Variants in TNIP2 observed in about 807,000 individuals in gnomAD.
TNIP2 encodes the protein TNFAIP3-interacting protein 2.
Under a neutral mutation model 43.7 loss-of-function variants are expected in TNIP2, and 30 were observed. The observed-to-expected ratio is 0.69, with a 90% CI of 0.51 to 0.93. TNIP2 has a LOEUF of 0.93. Among genes scored for constraint, TNIP2 ranks in the 40% least tolerant of loss-of-function variants. The probability of loss-of-function intolerance (pLI) is 0.00; values close to 1 mark genes in which losing one functional copy is unlikely to be tolerated. For missense variants in TNIP2, 599 were observed against 591.0 expected (o/e 1.01, Z -0.14); for synonymous variants, 260 against 254.6 (o/e 1.02, Z -0.20).
In TNIP2 at chr4:2,747,676, C is replaced by T; in HGVS notation, c.546G>A (p.Val182=). 2 of 1,598,820 alleles carry T rather than the reference C, an allele frequency of 1.3e-6. No homozygotes were observed. The highest frequency in any genetic ancestry group is 1.7e-6 in the Non-Finnish European group (2 of 1,178,854). ...CTACCTGGTCAGGACTTCTCTCCCC[C>T]ACATTCCTTTGTGCATGCTGTCGTT... ...LDERQHAQRN[V]GERSPDQSEH... The change falls in exon 2 of 6, where the codon GTG becomes GTA. Residue 182 remains valine, a synonymous_variant. Coordinates refer to ENST00000315423, the MANE Select transcript of TNIP2 (RefSeq NM_024309.4).
Position 2,743,931 on chromosome 4 carries a change from G to A in TNIP2, c.1026+456C>T, listed in dbSNP as rs554956599. Among the ~76,000 whole-genome samples, 11 of 152,300 alleles carry A rather than the reference G, an allele frequency of 7.2e-5. No homozygotes were observed. The East Asian group carries it at 2.1e-3, about 29-fold the overall frequency. ...TAGGAAAAGCACTGAGCCCAGGGGT[G>A]GGGTGAGGGGCCCCTGCCCTGCAAG... is the stretch of plus-strand genomic sequence containing the variant. On this transcript the variant is annotated intron_variant, in intron 5 of 5. Coordinates refer to ENST00000315423, the MANE Select transcript of TNIP2 (RefSeq NM_024309.4).
chr4:2,747,768 G>A lies in TNIP2; in HGVS notation c.454C>T (p.His152Tyr), dbSNP rs1721989491. 6.2e-7 allele frequency: 1 copy of A among 1,611,490 alleles called. No homozygotes were observed. Residue 152 changes from histidine (H) to tyrosine (Y), a missense_variant, in exon 2 of 6, where the codon CAT becomes TAT. Transcript: ENST00000315423. ...VLCRSLANET[H>Y]QLRRTLTATA... ...GCGGTCAGCGTCCTCCGCAGCTGAT[G>A]GGTCTCGTTGGCCAAGGAGCGGCAC...
Position 2,756,253 on chromosome 4 carries a change from C to T in TNIP2, c.37G>A (p.Ala13Thr), listed in dbSNP as rs1309033932. The T allele has an allele frequency of 1.4e-6, 2 of 1,442,808 alleles. No individual in the cohort carries two copies. The highest frequency in any genetic ancestry group is 9.1e-7 in the Non-Finnish European group (1 of 1,102,918). 89.4% of individuals were successfully genotyped at this position (1,442,808 alleles called of 1,614,324 possible). A position where few individuals can be genotyped will look rare whatever the true frequency, so the allele number is the denominator to read the frequency against. ...CAGAGCGCGGCAGCTGCGCGCGGGGCCTCCTCCCAGCCGCCCGACCCCGGG... is the reference window on the plus strand; with the variant it reads ...CAGAGCGCGGCAGCTGCGCGCGGGGTCTCCTCCCAGCCGCCCGACCCCGGG... ...RDPGSGGWEE[A>T]PRAAAALCTL... Residue 13 changes from alanine to threonine, a missense_variant, in exon 1 of 6, where the codon GCC becomes ACC. Transcript: ENST00000315423.
chr4:2,756,112 C>T lies in TNIP2; in HGVS notation c.178G>A (p.Ala60Thr). 2.0e-6 allele frequency: 3 copies of T among 1,485,740 alleles called. No homozygotes were observed. Among genetic ancestry groups the T allele is most frequent in the Non-Finnish European group, 2.7e-6 (3 of 1,127,560 alleles). 92.0% of individuals were successfully genotyped at this position (1,485,740 alleles called of 1,614,324 possible). A position where few individuals can be genotyped will look rare whatever the true frequency, so the allele number is the denominator to read the frequency against. Reference sequence around the variant, plus strand: ...AGCAGCGCGTCCACTAGGGACGGCGCGGCGTCCCCCTCCAGCGCGGCCAGG... The same window carrying T: ...AGCAGCGCGTCCACTAGGGACGGCGTGGCGTCCCCCTCCAGCGCGGCCAGG... Reference protein sequence around the residue: ...ARLAALEGDAAPSLVDALLEQ... With the variant: ...ARLAALEGDATPSLVDALLEQ... The change falls in exon 1 of 6, where the codon GCG becomes ACG. Residue 60 changes from alanine (A) to threonine (T), a missense_variant. Coordinates refer to ENST00000315423, the MANE Select transcript of TNIP2 (RefSeq NM_024309.4).
Position 2,744,311 on chromosome 4 carries a change from G to T in TNIP2, c.1026+76C>A. On this transcript the variant is annotated intron_variant, in intron 5 of 5. Transcript: ENST00000315423. This position sits in a 1 kb window ranked among gnomAD's most constrained non-coding sequence, Gnocchi z 5.1. The stretch of plus-strand genomic sequence containing the variant: ...GCAAATCAGGGCCTTGGCAGACACA[G>T]AAAGGCTCTAATCTCATGAGAAGAG... 6.3e-7 allele frequency: 1 copy of T among 1,582,382 alleles called. No homozygotes were observed. The highest frequency in any genetic ancestry group is 8.6e-7 in the Non-Finnish European group (1 of 1,158,188).
intron 1 of TNIP2, among the ~76,000 whole-genome samples, chr4:2,749,635 C>T (rs1228246133): frequency 6.6e-6 from 1 of 152,154 alleles, no homozygotes; most frequent in African/African-American, 2.4e-5. Context: ...AGGGTCCTTC[C>T]CTAGAACCTT....
chr4:2,755,308 C>T (rs1027441103), intron 1 of TNIP2, among the ~76,000 whole-genome samples: 17 of 151,988 alleles, frequency 1.1e-4, no homozygotes, highest in Admixed American at 9.8e-4. Context: ...ACAGCATACA[C>T]ACACCCCCCT....
In TNIP2 at chr4:2,744,646, C is replaced by T. The variant is rs1054203148; in HGVS notation, c.906+51G>A. ...GCCTGTCCCATGATTTCGGCCACCA[C>T]CGGCCAGCAGACATCTGGTCAGTGC... On this transcript the variant is annotated intron_variant, in intron 4 of 5. Transcript: ENST00000315423. The surrounding 1 kb of genome is among the most constrained non-coding windows in gnomAD (Gnocchi z 5.1). 1 of 1,584,842 alleles carries T rather than the reference C, an allele frequency of 6.3e-7. No homozygotes were observed.
At chr4:2,747,607 C>G (rs1370811844) in intron 2 of TNIP2, 48 bp downstream of exon 2, 1 of 1,556,030 alleles carries the variant, frequency 6.4e-7, no homozygotes, top group South Asian at 1.2e-5. Flanking sequence ...AGGCGATGCT[C>G]CCAGCACACA....
rs530193031 is a variant in TNIP2 at position 2,745,013 on chromosome 4, T to C, written c.658-68A>G. On this transcript the variant is annotated intron_variant, in intron 3 of 5. Coordinates refer to ENST00000315423, the MANE Select transcript of TNIP2 (RefSeq NM_024309.4). ...CAAAGCTGCTCAAGCCAGCACCCAG[T>C]GTGAATTATGTATTAGCAGTGATTC... 10 of 1,532,530 alleles carry C rather than the reference T, an allele frequency of 6.5e-6. No individual in the cohort carries two copies. The East Asian group carries it at 1.6e-4, about 24-fold the overall frequency. The allele number at this position is 1,532,530 out of a possible 1,614,324, so 94.9% of individuals were successfully genotyped here. A position where few individuals can be genotyped will look rare whatever the true frequency, so the allele number is the denominator to read the frequency against.
chr4:2,746,834 C>T (rs1721960079), intron 2 of TNIP2, among the ~76,000 whole-genome samples: 1 of 152,262 alleles, frequency 6.6e-6, no homozygotes, highest in Non-Finnish European at 1.5e-5. Flanking sequence ...CCACAAGCAC[C>T]AGCAAGATGG....
Position 2,744,554 on chromosome 4 carries a change from C to G in TNIP2, c.907-48G>C, listed in dbSNP as rs1404544029. The G allele has an allele frequency of 4.3e-6, 7 of 1,611,804 alleles. No homozygotes were observed. Among genetic ancestry groups the G allele is most frequent in the Non-Finnish European group, 5.9e-6 (7 of 1,178,890 alleles). On this transcript the variant is annotated intron_variant, in intron 4 of 5. Transcript: ENST00000315423. The surrounding 1 kb of genome is among the most constrained non-coding windows in gnomAD (Gnocchi z 5.1). ...TTTCTGCTCAAGGAAGGAGGAAGCGCCCCACCAGGCTTCTCCCACCCCCAC... is the reference window on the plus strand; with the variant it reads ...TTTCTGCTCAAGGAAGGAGGAAGCGGCCCACCAGGCTTCTCCCACCCCCAC...
intron 1 of TNIP2, among the ~76,000 whole-genome samples, chr4:2,752,013 G>A (rs372036769): frequency 6.6e-6 from 1 of 151,560 alleles, no homozygotes; most frequent in South Asian, 2.1e-4. Flanking sequence ...GCTGAGGCAG[G>A]AGAATCGCTT....
intron 1 of TNIP2, among the ~76,000 whole-genome samples, chr4:2,749,068 G>A (rs969203838): frequency 7.2e-5 from 11 of 152,196 alleles, no homozygotes; most frequent in Non-Finnish European, 1.3e-4. Context: ...TGGGATGACA[G>A]GTGTGAGCCA....
chr4:2,753,505 C>G (rs1038285549), intron 1 of TNIP2, among the ~76,000 whole-genome samples: 2 of 152,102 alleles, frequency 1.3e-5, no homozygotes, highest in African/African-American at 4.8e-5. Flanking sequence ...AAGACAGGAC[C>G]AGGGCCAGTA....
chr4:2,742,271 C>T lies in TNIP2; in HGVS notation c.1276G>A (p.Glu426Lys), dbSNP rs747251414. 71 of 1,487,478 alleles carry T rather than the reference C, an allele frequency of 4.8e-5. No individual in the cohort carries two copies. The highest frequency in any genetic ancestry group is 5.9e-5 in the Non-Finnish European group (66 of 1,114,502). 92.1% of individuals were successfully genotyped at this position (1,487,478 alleles called of 1,614,324 possible). A position where few individuals can be genotyped will look rare whatever the true frequency, so the allele number is the denominator to read the frequency against. ...GTGAGTCTCGGTCACTGGCAGCACTCAGCCACATGCCTGAGGAGCTCTTCC... is the reference window on the plus strand; with the variant it reads ...GTGAGTCTCGGTCACTGGCAGCACTTAGCCACATGCCTGAGGAGCTCTTCC... The part of the protein sequence containing the change: ...QGEELLRHVA[E>K]CCQ Residue 426 changes from glutamate to lysine, a missense_variant, in exon 6 of 6, where the codon GAG becomes AAG. Glu to Lys is a moderately conservative substitution (Grantham distance 56). Transcript: ENST00000315423.
intron 1 of TNIP2, among the ~76,000 whole-genome samples, chr4:2,752,516 C>T (rs1245140669): frequency 1.3e-5 from 2 of 152,192 alleles, no homozygotes; most frequent in Non-Finnish European, 2.9e-5. Flanking sequence ...TGAGCCTCAG[C>T]ACTCTCTCTG....
In TNIP2 at chr4:2,756,047, C is replaced by T. The variant is rs781698542; in HGVS notation, c.243G>A (p.Gln81=). 19 of 1,548,712 alleles carry T rather than the reference C, an allele frequency of 1.2e-5. No homozygotes were observed. Among genetic ancestry groups the T allele is most frequent in the African/African-American group, 2.8e-5 (2 of 70,466 alleles). Residue 81 remains glutamine, a synonymous_variant, in exon 1 of 6, where the codon CAG becomes CAA. Coordinates refer to ENST00000315423, the MANE Select transcript of TNIP2 (RefSeq NM_024309.4). ...VARFREQLRR[Q]EGGAAEAQMR... is the part of the protein sequence containing the mutation. Reference sequence around the variant, plus strand: ...TCTGGGCCTCGGCGGCGCCGCCCTCCTGCCTTCGCAGCTGCTCCCGGAAGC... The same window carrying T: ...TCTGGGCCTCGGCGGCGCCGCCCTCTTGCCTTCGCAGCTGCTCCCGGAAGC...
chr4:2,742,114 G>C lies in TNIP2; in HGVS notation c.*143C>G, dbSNP rs1457109975. 8 of 827,622 alleles carry C rather than the reference G, an allele frequency of 9.7e-6. No individual in the cohort carries two copies. Among genetic ancestry groups the C allele is most frequent in the Non-Finnish European group, 1.3e-5 (8 of 596,212 alleles). 51.3% of individuals were successfully genotyped at this position (827,622 alleles called of 1,614,324 possible). A position where few individuals can be genotyped will look rare whatever the true frequency, so the allele number is the denominator to read the frequency against. On this transcript the variant is annotated 3_prime_UTR_variant, in exon 6 of 6. Coordinates refer to ENST00000315423, the MANE Select transcript of TNIP2 (RefSeq NM_024309.4). Reference sequence around the variant, plus strand: ...CTGTTCCATAGCCAAAGGGACCAAAGTGAACGATCAGAGTGCCCCGCAACT... The same window carrying C: ...CTGTTCCATAGCCAAAGGGACCAAACTGAACGATCAGAGTGCCCCGCAACT...
Sources: gnomAD v4.1 joint callset for allele counts (sites outside exome capture counted in the v4.1 genomes callset) on GRCh38, gnomAD v4.1.1 for gene constraint, Gnocchi (gnomAD v3.1) non-coding constraint, MANE v1.5 for transcripts, NCBI Gene and HGNC (gene_info 2026-07-23, HGNC 2026-07-21) for gene names.